The following SHISAL2B variants were observed in gnomAD, a reference collection of about 807,000 sequenced individuals.
The protein encoded by SHISAL2B is shisa like 2B.
SHISAL2B carries 12 observed loss-of-function variants against 16.5 expected under a neutral mutation model. The ratio of observed to expected loss-of-function variants is 0.73; its 90% confidence interval spans 0.47 to 1.18. The LOEUF (loss-of-function observed/expected upper bound fraction) is 1.18. Among genes scored for constraint, SHISAL2B ranks in the 50% most tolerant of loss-of-function variants. The probability of loss-of-function intolerance (pLI) is 0.00; values close to 1 mark genes in which losing one functional copy is unlikely to be tolerated. For missense variants in SHISAL2B, 183 were observed against 193.6 expected (o/e 0.95, Z 0.33); for synonymous variants, 72 against 75.0 (o/e 0.96, Z 0.21).
At chr5:64,694,140 G>A (rs1438114434) in intron 1 of SHISAL2B, 5 of 453,582 alleles carry the variant, frequency 1.1e-5, no homozygotes, top group Non-Finnish European at 4.4e-6. Context: ...CTAAAGGCAA[G>A]CCAGGAAGAT....
Position 64,693,287 on chromosome 5 carries a change from G to A in SHISAL2B, c.192-2220G>A, listed in dbSNP as rs555726979. ...CTCCCAAAGTGCTAGGATTACAGGC[G>A]TGAGCCACCGCGCCCAGCCATAAAG... On this transcript the variant is annotated intron_variant, in intron 1 of 2. Coordinates refer to ENST00000389074, the MANE Select transcript of SHISAL2B (RefSeq NM_001164442.2). Among the ~76,000 whole-genome samples, 21 of 152,244 alleles carry A rather than the reference G, an allele frequency of 1.4e-4. No individual in the cohort carries two copies. In the South Asian group the frequency reaches 4.1e-3, roughly 30 times the overall value.
intron 1 of SHISAL2B, among the ~76,000 whole-genome samples, chr5:64,692,570 T>A (rs1389094568): frequency 6.6e-6 from 1 of 152,196 alleles, no homozygotes; most frequent in Non-Finnish European, 1.5e-5. Context: ...CCACTCCTAA[T>A]TTAAAATAGT....
chr5:64,706,412 C>T (rs986707091), intron 2 of SHISAL2B, among the ~76,000 whole-genome samples: 2 of 152,204 alleles, frequency 1.3e-5, no homozygotes, highest in African/African-American at 4.8e-5. Context: ...GAATGGGAGG[C>T]AGGTTTGCCT....
chr5:64,699,368 G>A (rs1244310486), intron 2 of SHISAL2B, among the ~76,000 whole-genome samples: 1 of 152,152 alleles, frequency 6.6e-6, no homozygotes, highest in Non-Finnish European at 1.5e-5. Flanking sequence ...AAAATTGTTT[G>A]TATTTGAAAG....
At chr5:64,716,660 T>TG (rs1334054764) in intron 2 of SHISAL2B, among the ~76,000 whole-genome samples, 1 of 152,140 alleles carries the variant, frequency 6.6e-6, no homozygotes, top group Non-Finnish European at 1.5e-5. Context: ...GCAGATTATC[T>TG]GGAAGAAGAG....
chr5:64,697,838 T>C lies in SHISAL2B; in HGVS notation c.349+2174T>C, dbSNP rs111712087. 2.4e-4 allele frequency among the ~76,000 whole-genome samples: 36 copies of C among 152,346 alleles called. 1 individual carries two copies. The highest frequency in any genetic ancestry group is 8.4e-4 in the African/African-American group (35 of 41,584). ...CTGCATCCTAAAACTTCTCATATTATGGGGTACCTGTTCTGTGACCTTATC... is the reference window on the plus strand; with the variant it reads ...CTGCATCCTAAAACTTCTCATATTACGGGGTACCTGTTCTGTGACCTTATC... On this transcript the variant is annotated intron_variant, in intron 2 of 2. Coordinates refer to ENST00000389074, the MANE Select transcript of SHISAL2B (RefSeq NM_001164442.2).
intron 2 of SHISAL2B, among the ~76,000 whole-genome samples, chr5:64,701,421 A>G (rs1339621650): frequency 6.6e-6 from 1 of 152,132 alleles, no homozygotes; most frequent in African/African-American, 2.4e-5. Context: ...GACTTGCTTT[A>G]CTCTAATAAT....
intron 2 of SHISAL2B, among the ~76,000 whole-genome samples, chr5:64,698,806 A>G (rs1741771408): frequency 2.6e-5 from 4 of 152,230 alleles, no homozygotes; most frequent in Admixed American, 2.6e-4. Context: ...AATACATAGC[A>G]AATATTCCAT....
At chr5:64,706,566 A>C (rs1391818947) in intron 2 of SHISAL2B, among the ~76,000 whole-genome samples, 1 of 152,222 alleles carries the variant, frequency 6.6e-6, no homozygotes, top group Non-Finnish European at 1.5e-5. Context: ...GTCTGGTCTC[A>C]GGTTTTGTCT....
At chr5:64,717,124 G>A (rs1368124500) in intron 2 of SHISAL2B, among the ~76,000 whole-genome samples, 1 of 152,098 alleles carries the variant, frequency 6.6e-6, no homozygotes, top group Non-Finnish European at 1.5e-5. Flanking sequence ...AAAAAAGAAT[G>A]GTGTCCTGGA....
intron 2 of SHISAL2B, among the ~76,000 whole-genome samples, chr5:64,699,430 A>C (rs568632730): frequency 6.6e-6 from 1 of 152,350 alleles, no homozygotes; most frequent in African/African-American, 2.4e-5. Flanking sequence ...TTAAATATGC[A>C]TGTTCCGTTC....
In SHISAL2B at chr5:64,690,699, C is replaced by G; in HGVS notation, c.76C>G (p.Arg26Gly). ...QSFVEPFQCP[R>G]RGEGAALQYC... ...CTTCGTGGAGCCCTTCCAGTGCCCC[C>G]GGCGCGGCGAGGGGGCAGCGCTCCA... Residue 26 changes from arginine to glycine, a missense_variant, in exon 1 of 3, where the codon CGG becomes GGG. Transcript: ENST00000389074. The G allele has an allele frequency of 6.5e-7, 1 of 1,535,076 alleles. No individual in the cohort carries two copies. Among genetic ancestry groups the G allele is most frequent in the Non-Finnish European group, 8.7e-7 (1 of 1,146,210 alleles).
intron 2 of SHISAL2B, among the ~76,000 whole-genome samples, chr5:64,710,249 A>C (rs1453087703): frequency 1.1e-5 from 1 of 88,266 alleles, no homozygotes; most frequent in Non-Finnish European, 2.1e-5. Flanking sequence ...TCAGCTTTCT[A>C]CATATGGCTA....
chr5:64,716,816 T>C (rs1182361897), intron 2 of SHISAL2B, among the ~76,000 whole-genome samples: 1 of 152,188 alleles, frequency 6.6e-6, no homozygotes, highest in Admixed American at 6.5e-5. Context: ...TGAAATCATG[T>C]AGGCCACTGT....
At chr5:64,696,829 C>T (rs538756382) in intron 2 of SHISAL2B, among the ~76,000 whole-genome samples, 12 of 152,284 alleles carry the variant, frequency 7.9e-5, no homozygotes, top group East Asian at 1.9e-4. Flanking sequence ...TTTTTGATTT[C>T]GCCCTTTGCC....
chr5:64,699,139 T>C (rs1477564280), intron 2 of SHISAL2B, among the ~76,000 whole-genome samples: 3 of 152,186 alleles, frequency 2.0e-5, no homozygotes, highest in Non-Finnish European at 4.4e-5. Context: ...AATATCCTCA[T>C]TCTGCCCCTC....
chr5:64,715,898 A>C (rs1742042398), intron 2 of SHISAL2B, among the ~76,000 whole-genome samples: 1 of 152,230 alleles, frequency 6.6e-6, no homozygotes, highest in Admixed American at 6.5e-5. Flanking sequence ...TATTTAAAAT[A>C]ACCAGTGAAG....
chr5:64,691,851 A>T (rs537218202), intron 1 of SHISAL2B, among the ~76,000 whole-genome samples: 1 of 152,294 alleles, frequency 6.6e-6, no homozygotes, highest in South Asian at 2.1e-4. Flanking sequence ...GAGGAGATGG[A>T]GTCTGCTAGT....
chr5:64,692,262 G>A (rs760286286), intron 1 of SHISAL2B, among the ~76,000 whole-genome samples: 1 of 152,176 alleles, frequency 6.6e-6, no homozygotes, highest in Non-Finnish European at 1.5e-5. Context: ...AAACTCAACT[G>A]GAAAATGTGC....
Sources: gnomAD v4.1 joint callset for allele counts (sites outside exome capture counted in the v4.1 genomes callset) on GRCh38, gnomAD v4.1.1 for gene constraint, MANE v1.5 for transcripts, NCBI Gene and HGNC (gene_info 2026-07-23, HGNC 2026-07-21) for gene names.